Variants in RAD51B observed in about 807,000 individuals in gnomAD.
RAD51B encodes the protein RAD51 paralog B.
RAD51B carries 38 observed loss-of-function variants against 42.2 expected under a neutral mutation model. That is an observed-to-expected ratio of 0.90 (90% confidence interval 0.70 to 1.18). The LOEUF is 1.18. Among genes scored for constraint, RAD51B ranks in the 50% most tolerant of loss-of-function variants. The pLI, the probability that RAD51B is intolerant of heterozygous loss-of-function variation, is 0.00. For synonymous variants in RAD51B, 154 were observed against 145.2 expected (o/e 1.06, Z -0.43); for missense variants, 373 against 400.7 (o/e 0.93, Z 0.59).
At chr14:68,146,828 AGGGG>A (rs1473064366) in intron 7 of RAD51B, among the ~76,000 whole-genome samples, 1 of 151,930 alleles carries the variant, frequency 6.6e-6, no homozygotes, top group Non-Finnish European at 1.5e-5. Flanking sequence ...CAGTGTTGGG[AGGGG>A]GTGTTCCTTG....
chr14:67,820,948 A>G (rs949936050), intron 1 of RAD51B, among the ~76,000 whole-genome samples: 2 of 152,172 alleles, frequency 1.3e-5, no homozygotes, highest in African/African-American at 2.4e-5. Context: ...AATGTGATGT[A>G]TGAGTGAGAA....
chr14:68,426,354 G>A (rs1243949673), intron 9 of RAD51B, among the ~76,000 whole-genome samples: 2 of 152,044 alleles, frequency 1.3e-5, no homozygotes, highest in Non-Finnish European at 2.9e-5. Context: ...GGGATTACAG[G>A]CGTGAGCCAC....
chr14:67,889,660 C>T (rs745729844), intron 7 of RAD51B, among the ~76,000 whole-genome samples: 6 of 151,652 alleles, frequency 4.0e-5, no homozygotes, highest in South Asian at 2.1e-4. Context: ...CCCTTATGTG[C>T]GCATGAATGC....
intron 7 of RAD51B, among the ~76,000 whole-genome samples, chr14:68,022,835 C>T (rs2075889425): frequency 6.6e-6 from 1 of 152,034 alleles, no homozygotes. Flanking sequence ...GCTCTATTGT[C>T]TATTTTCTTC....
At chr14:67,820,751 A>G (rs551654256) in intron 1 of RAD51B, among the ~76,000 whole-genome samples, 2 of 152,308 alleles carry the variant, frequency 1.3e-5, no homozygotes, top group African/African-American at 4.8e-5. Context: ...AGGGCAGATC[A>G]TGTGAGAGTC....
At chr14:67,911,992 C>G (rs1304030227) in intron 7 of RAD51B, among the ~76,000 whole-genome samples, 1 of 152,180 alleles carries the variant, frequency 6.6e-6, no homozygotes, top group Non-Finnish European at 1.5e-5. Context: ...TATATGATAG[C>G]ATGAAGAAAT....
Position 67,949,873 on chromosome 14 carries a change from G to A in RAD51B, c.756+62669G>A, listed in dbSNP as rs562424342. 5.3e-5 allele frequency among the ~76,000 whole-genome samples: 8 copies of A among 152,238 alleles called. 1 individual carries two copies. In the South Asian group the frequency reaches 1.5e-3, roughly 28 times the overall value. On this transcript the variant is annotated intron_variant, in intron 7 of 10. Transcript: ENST00000471583. ...CAGCAGAGCTCTTGGGTGGCCAGGG[G>A]CGTTGTCAATGAATTCTTTTCAAAA... is the stretch of plus-strand genomic sequence containing the variant.
At chr14:68,291,444 C>T (rs886968558) in intron 7 of RAD51B, among the ~76,000 whole-genome samples, 2 of 151,950 alleles carry the variant, frequency 1.3e-5, no homozygotes, top group African/African-American at 2.4e-5. Flanking sequence ...TTAGGTGATC[C>T]GCCTGCCTCA....
At position 67,824,779 on chromosome 14, in the gene RAD51B, T is replaced by G. The variant is rs558452029; in HGVS notation, c.85-685T>G. On this transcript the variant is annotated intron_variant, in intron 2 of 10. Coordinates refer to ENST00000471583, the MANE Select transcript of RAD51B (RefSeq NM_133510.4). ...TATTATCTCTGAGTGAACTTCTAGC[T>G]TAGAAAGAAACTCTTTCGGCCGGGC... Among the ~76,000 whole-genome samples, 3 of 151,942 alleles carry G rather than the reference T, an allele frequency of 2.0e-5. No homozygotes were observed. The South Asian group carries it at 6.2e-4, about 32-fold the overall frequency.
At chr14:68,599,076 G>A (rs1891116281), downstream of RAD51B, among the ~76,000 whole-genome samples, 1 of 152,160 alleles carries the variant, frequency 6.6e-6, no homozygotes, top group African/African-American at 2.4e-5. Context: ...TATCTGAGCT[G>A]GCCGCTCCCT....
intron 10 of RAD51B, among the ~76,000 whole-genome samples, chr14:68,483,534 A>G (rs1179840391): frequency 6.6e-6 from 1 of 152,194 alleles, no homozygotes; most frequent in Non-Finnish European, 1.5e-5. Flanking sequence ...CACATTCAAG[A>G]TAGAACAACT....
intron 7 of RAD51B, among the ~76,000 whole-genome samples, chr14:68,281,827 G>A (rs1356604408): frequency 6.6e-6 from 1 of 152,156 alleles, no homozygotes; most frequent in Admixed American, 6.5e-5. Flanking sequence ...TTCCTCTCTA[G>A]CGACTCTTGA....
At chr14:68,235,732 AGAG>A (rs1302568265) in intron 7 of RAD51B, among the ~76,000 whole-genome samples, 13 of 148,672 alleles carry the variant, frequency 8.7e-5, no homozygotes, top group Non-Finnish European at 1.5e-4. Flanking sequence ...AAAAAAAAAA[AGAG>A]CTGAGATCTT....
At chr14:68,491,778 G>T (rs958569642) in intron 10 of RAD51B, among the ~76,000 whole-genome samples, 47 of 152,246 alleles carry the variant, frequency 3.1e-4, no homozygotes, top group African/African-American at 1.1e-3. Context: ...AGATGACAGG[G>T]TAGATAAATG....
intron 7 of RAD51B, among the ~76,000 whole-genome samples, chr14:68,274,650 G>A (rs1219905834): frequency 3.9e-5 from 6 of 152,118 alleles, no homozygotes; most frequent in Non-Finnish European, 5.9e-5. Context: ...AATAATAAAT[G>A]TCACAAATAA....
intron 9 of RAD51B, among the ~76,000 whole-genome samples, chr14:68,449,013 C>G (rs950500499): frequency 5.9e-5 from 9 of 152,058 alleles, no homozygotes; most frequent in African/African-American, 2.2e-4. Context: ...GTTATATAAA[C>G]TACTTTAAAA....
At chr14:67,899,754 G>A (rs1854385884) in intron 7 of RAD51B, among the ~76,000 whole-genome samples, 1 of 152,158 alleles carries the variant, frequency 6.6e-6, no homozygotes. Flanking sequence ...TCTGTAGTGA[G>A]TACATTTTAA....
intron 7 of RAD51B, among the ~76,000 whole-genome samples, chr14:68,204,122 C>T (rs2079541512): frequency 6.6e-6 from 1 of 152,226 alleles, no homozygotes; most frequent in Admixed American, 6.5e-5. Flanking sequence ...CACAAGAGGC[C>T]TAGCTTCCTG....
chr14:68,304,949 C>A (rs1205537202), intron 8 of RAD51B, among the ~76,000 whole-genome samples: 6 of 152,192 alleles, frequency 3.9e-5, no homozygotes, highest in African/African-American at 1.4e-4. Flanking sequence ...ATATCTAGAG[C>A]AGCAATCTTT....
Sources: allele counts gnomAD v4.1 joint callset (sites outside exome capture counted in the v4.1 genomes callset), GRCh38; gene constraint gnomAD v4.1.1; transcripts MANE v1.5; gene names NCBI Gene and HGNC (gene_info 2026-07-23, HGNC 2026-07-21).